The following KCNH8 variants were observed in gnomAD, a reference collection of about 807,000 sequenced individuals.
KCNH8 encodes potassium voltage-gated channel subfamily H member 8, also known as voltage-gated delayed rectifier potassium channel KCNH8.
In KCNH8, 70 loss-of-function variants were observed where a neutral mutation model predicts 103.6. The observed-to-expected ratio is 0.68, with a 90% CI of 0.56 to 0.82. The LOEUF (loss-of-function observed/expected upper bound fraction) is 0.82, where lower values mean the gene tolerates loss of function less well. Among genes scored for constraint, KCNH8 ranks in the 40% least tolerant of loss-of-function variants. The pLI is 0.00. For synonymous variants in KCNH8, 498 were observed against 489.4 expected, an observed-to-expected ratio of 1.02 and a Z score of -0.23; for missense variants, 1,217 against 1,329.9, an observed-to-expected ratio of 0.92 and a Z score of 1.32.
chr3:19,246,262 TTTG>T lies in KCNH8; in HGVS notation c.77-7380_77-7378del, dbSNP rs1169282699. ...TGATTAAATAACTTTAAGAAGTTTTTTTGTTGTTGTTGTTTTTTTTTTTTTTTT... is the reference window on the plus strand; with the variant it reads ...TGATTAAATAACTTTAAGAAGTTTTTTTGTTGTTGTTTTTTTTTTTTTTTT... On this transcript the variant is annotated intron_variant, in intron 1 of 15. Transcript: ENST00000328405. Among the ~76,000 whole-genome samples the T allele has an allele frequency of 1.6e-3, 227 of 145,912 alleles. 3 individuals are homozygous for T. The highest frequency in any genetic ancestry group is 4.2e-3 in the African/African-American group (167 of 39,554).
At chr3:19,288,336 G>C (rs868169391) in intron 3 of KCNH8, among the ~76,000 whole-genome samples, 1 of 150,918 alleles carries the variant, frequency 6.6e-6, no homozygotes, top group African/African-American at 2.4e-5. Flanking sequence ...CCATTAACTC[G>C]TCATTTAACA....
intron 15 of KCNH8, among the ~76,000 whole-genome samples, chr3:19,523,632 A>G (rs2069011083): frequency 6.6e-6 from 1 of 151,946 alleles, no homozygotes; most frequent in Admixed American, 6.6e-5. Context: ...TTGAAAGATA[A>G]AAACATCATT....
At chr3:19,165,354 G>T (rs2063272885) in intron 1 of KCNH8, among the ~76,000 whole-genome samples, 1 of 152,156 alleles carries the variant, frequency 6.6e-6, no homozygotes, top group Non-Finnish European at 1.5e-5. Flanking sequence ...TATTGTTTGT[G>T]CAGGTACAGA....
At chr3:19,216,410 A>C (rs1162588471) in intron 1 of KCNH8, among the ~76,000 whole-genome samples, 1 of 152,220 alleles carries the variant, frequency 6.6e-6, no homozygotes, top group Admixed American at 6.5e-5. Context: ...CATTTATTTG[A>C]AATGGCAGAT....
intron 11 of KCNH8, among the ~76,000 whole-genome samples, chr3:19,486,748 T>C (rs35640367): frequency 0.34 from 51,155 of 151,990 alleles, 8,989 homozygotes; most frequent in Non-Finnish European, 0.39. Context: ...CGTACAAAGG[T>C]TGGGCTAGTA....
At chr3:19,341,361 A>G (rs964097995) in intron 3 of KCNH8, among the ~76,000 whole-genome samples, 5 of 152,102 alleles carry the variant, frequency 3.3e-5, no homozygotes, top group African/African-American at 9.7e-5. Context: ...GCTGTGGCCA[A>G]TTATCATTTC....
At chr3:19,293,112 A>T (rs543619075) in intron 3 of KCNH8, among the ~76,000 whole-genome samples, 1 of 152,210 alleles carries the variant, frequency 6.6e-6, no homozygotes, top group Non-Finnish European at 1.5e-5. Flanking sequence ...TATGCCAGAC[A>T]TATTATCCCA....
chr3:19,431,821 G>GT (rs1290219093), intron 7 of KCNH8, among the ~76,000 whole-genome samples: 1 of 151,984 alleles, frequency 6.6e-6, no homozygotes, highest in African/African-American at 2.4e-5. Flanking sequence ...ATGGTTCTTT[G>GT]TTTTTTCGTG....
intron 6 of KCNH8, 45 bp from the exon 7 acceptor site, chr3:19,395,059 A>T (rs2066494188): frequency 7.1e-7 from 1 of 1,410,834 alleles, no homozygotes; most frequent in African/African-American, 1.4e-5. Context: ...TGTGGTATGA[A>T]TTTAACACAT....
chr3:19,279,347 G>A (rs1177963042), intron 2 of KCNH8, among the ~76,000 whole-genome samples: 1 of 151,848 alleles, frequency 6.6e-6, no homozygotes, highest in Non-Finnish European at 1.5e-5. Flanking sequence ...AGCATTTTTG[G>A]GGTCACTGTA....
At chr3:19,159,017 G>A (rs2063208081) in intron 1 of KCNH8, among the ~76,000 whole-genome samples, 2 of 151,648 alleles carry the variant, frequency 1.3e-5, no homozygotes, top group African/African-American at 4.8e-5. Flanking sequence ...TCTAATGAGT[G>A]TTTTCTGGCT....
chr3:19,249,382 C>A (rs1420273303), intron 1 of KCNH8, among the ~76,000 whole-genome samples: 5 of 152,188 alleles, frequency 3.3e-5, no homozygotes, highest in Non-Finnish European at 7.3e-5. Context: ...ACTAAATCCT[C>A]TTTAGAATTG....
chr3:19,514,612 C>A (rs550559766), intron 13 of KCNH8, among the ~76,000 whole-genome samples: 67 of 150,498 alleles, frequency 4.5e-4, no homozygotes, highest in African/African-American at 1.6e-3. Context: ...AAATTTTCTA[C>A]AATAGACTTT....
At chr3:19,419,194 GGTTTT>G (rs2066909026) in intron 7 of KCNH8, among the ~76,000 whole-genome samples, 2 of 64,116 alleles carry the variant, frequency 3.1e-5, no homozygotes, top group Admixed American at 1.9e-4. Flanking sequence ...AAATGGTTTT[GGTTTT>G]TTTTTTTTTT....
At chr3:19,501,952 T>C (rs1343225281) in intron 11 of KCNH8, among the ~76,000 whole-genome samples, 1 of 152,044 alleles carries the variant, frequency 6.6e-6, no homozygotes. Context: ...AAATAAAGGG[T>C]ATTCAATTAG....
chr3:19,492,420 A>G (rs184962825), intron 11 of KCNH8, among the ~76,000 whole-genome samples: 8 of 152,288 alleles, frequency 5.3e-5, no homozygotes, highest in African/African-American at 1.9e-4. Flanking sequence ...AGCACCGTTT[A>G]TTGAACAGGA....
chr3:19,391,492 G>GT (rs1467898949), intron 6 of KCNH8, among the ~76,000 whole-genome samples: 1 of 151,998 alleles, frequency 6.6e-6, no homozygotes. Flanking sequence ...TCAATTGACA[G>GT]TGCTTTATAG....
Position 19,456,785 on chromosome 3 carries a change from G to T in KCNH8, c.1843G>T (p.Gly615Ter). 1 of 1,605,090 alleles carries T rather than the reference G, an allele frequency of 6.2e-7. No individual in the cohort carries two copies. Among genetic ancestry groups the T allele is most frequent in the Non-Finnish European group, 8.5e-7 (1 of 1,173,894 alleles). ...CTTTCTAGGGAAAGGGGATTTAATT[G>T]GAGCAAATCTATCAATTAAGGACCA... is the stretch of plus-strand genomic sequence containing the variant. ...LAILGKGDLI[G>*]ANLSIKDQVI... The change falls in exon 11 of 16, where the codon GGA becomes TGA. Residue 615 changes from glycine (G) to a stop codon, truncating the protein, a stop_gained. Transcript: ENST00000328405. LOFTEE classifies it high-confidence loss of function.
chr3:19,506,845 G>C (rs2068702644), intron 11 of KCNH8, among the ~76,000 whole-genome samples: 1 of 152,020 alleles, frequency 6.6e-6, no homozygotes, highest in Non-Finnish European at 1.5e-5. Flanking sequence ...CACCCTACCT[G>C]ATAACAAGCA....
Sources: allele counts gnomAD v4.1 joint callset (sites outside exome capture counted in the v4.1 genomes callset), GRCh38; gene constraint gnomAD v4.1.1; transcripts MANE v1.5; gene names NCBI Gene and HGNC (gene_info 2026-07-23, HGNC 2026-07-21).